JPH2: variants seen among roughly 807,000 people sequenced by gnomAD.
The protein encoded by JPH2 is junctophilin-2.
In JPH2, 38 loss-of-function variants were observed where a neutral mutation model predicts 55.9. That is an observed-to-expected ratio of 0.68 (90% CI 0.52 to 0.89). JPH2 has a LOEUF of 0.89. JPH2 is among the 40% of genes least tolerant of loss of function. The probability of loss-of-function intolerance (pLI) is 0.00; values close to 1 mark genes in which losing one functional copy is unlikely to be tolerated. For missense variants in JPH2, 964 were observed against 1,037.6 expected, an observed-to-expected ratio of 0.93 and a Z score of 0.97; for synonymous variants, 480 against 472.4, an observed-to-expected ratio of 1.02 and a Z score of -0.21.
intron 2 of JPH2, among the ~76,000 whole-genome samples, chr20:44,120,180 C>T (rs2072225510): frequency 6.6e-6 from 1 of 152,140 alleles, no homozygotes; most frequent in Non-Finnish European, 1.5e-5. Flanking sequence ...GGAATCTAAC[C>T]TACACCGTCC....
chr20:44,162,745 CATATATAT>C lies in JPH2; in HGVS notation c.380-2346_380-2339del, dbSNP rs1157323951. Among the ~76,000 whole-genome samples, 219 of 52,444 alleles carry C rather than the reference CATATATAT, an allele frequency of 4.2e-3. 2 individuals are homozygous for C. In the East Asian group the frequency reaches 0.051, roughly 12 times the overall value. 34.4% of individuals were successfully genotyped at this position (52,444 alleles called of 152,430 possible). ...GAGTTAATACTCCTTAATAAACTTCCATATATATATATATATATATATATATATATATA... is the reference window on the plus strand; with the variant it reads ...GAGTTAATACTCCTTAATAAACTTCCATATATATATATATATATATATATA... On this transcript the variant is annotated intron_variant, in intron 1 of 5. Coordinates refer to ENST00000372980, the MANE Select transcript of JPH2 (RefSeq NM_020433.5).
intron 5 of JPH2, 123 bp downstream of exon 5, chr20:44,114,659 G>C: frequency 1.4e-6 from 1 of 699,972 alleles, no homozygotes; most frequent in East Asian, 2.8e-5. Context: ...AGGTGGGTGG[G>C]CCTCAATTAG....
At chr20:44,183,069 A>T (rs2072799600) in intron 1 of JPH2, among the ~76,000 whole-genome samples, 1 of 152,158 alleles carries the variant, frequency 6.6e-6, no homozygotes. Flanking sequence ...ACGTGCACAC[A>T]CAGACACACA....
intron 1 of JPH2, among the ~76,000 whole-genome samples, chr20:44,174,255 G>A (rs1294819997): frequency 6.6e-6 from 1 of 152,174 alleles, no homozygotes; most frequent in East Asian, 1.9e-4. Flanking sequence ...AGCTGGGACT[G>A]AAGAACAGGT....
intron 1 of JPH2, among the ~76,000 whole-genome samples, chr20:44,178,468 T>C (rs946843348): frequency 6.6e-6 from 1 of 152,220 alleles, no homozygotes; most frequent in Non-Finnish European, 1.5e-5. Context: ...ATATATACCA[T>C]GTTCACGGGT....
rs779167207 is a variant in JPH2 at position 44,160,427 on chromosome 20, G to A, written c.380-20C>T. On this transcript the variant is annotated intron_variant, in intron 1 of 5. Coordinates refer to ENST00000372980, the MANE Select transcript of JPH2 (RefSeq NM_020433.5). The surrounding 1 kb of genome is among the most constrained non-coding windows in gnomAD (Gnocchi z 4.9). ...ACGTCCCTGCGGGCGAGGAGAGGGC[G>A]CGTCAGTAGGCGGCACGACGGGTCC... 123 of 1,605,004 alleles carry A rather than the reference G, an allele frequency of 7.7e-5. No individual in the cohort carries two copies. The highest frequency in any genetic ancestry group is 1.9e-4 in the Admixed American group (11 of 59,334).
In JPH2 at chr20:44,118,580, C is replaced by T. The variant is rs557878787; in HGVS notation, c.1213G>A (p.Ala405Thr). Residue 405 changes from alanine (A) to threonine (T), a missense_variant, in exon 3 of 6, where the codon GCC becomes ACC. Transcript: ENST00000372980. ...KAKAEAAEQA[A>T]LAANQESNIA... ...TTGGACTCCTGGTTGGCAGCCAGGG[C>T]GGCCTGTTCCGCTGCCTCAGCTTTG... The T allele has an allele frequency of 3.5e-5, 56 of 1,612,438 alleles. 1 individual carries two copies. The highest frequency in any genetic ancestry group is 2.9e-4 in the South Asian group (26 of 91,088).
chr20:44,127,517 G>T (rs1049868108), intron 2 of JPH2, among the ~76,000 whole-genome samples: 5 of 145,098 alleles, frequency 3.4e-5, no homozygotes, highest in Non-Finnish European at 7.5e-5. Flanking sequence ...ACGGAGTCTC[G>T]CTCTGTCGCC....
intron 1 of JPH2, among the ~76,000 whole-genome samples, chr20:44,186,056 A>G (rs749241734): frequency 5.9e-5 from 9 of 152,168 alleles, no homozygotes; most frequent in Non-Finnish European, 1.3e-4. Flanking sequence ...TAGTAGTTAT[A>G]TTTTATTGTG....
At chr20:44,131,457 C>T (rs992376506) in intron 2 of JPH2, among the ~76,000 whole-genome samples, 10 of 152,100 alleles carry the variant, frequency 6.6e-5, no homozygotes, top group Admixed American at 5.9e-4. Context: ...AGACAACAAA[C>T]GTGTGTTGTT....
At chr20:44,177,245 C>A (rs2072741767) in intron 1 of JPH2, 1 of 985,706 alleles carries the variant, frequency 1.0e-6, no homozygotes. Context: ...AGGAAGCAAC[C>A]CTGTCCCCCT....
intron 1 of JPH2, among the ~76,000 whole-genome samples, chr20:44,164,690 A>G (rs1448740418): frequency 6.6e-6 from 1 of 151,440 alleles, no homozygotes; most frequent in African/African-American, 2.4e-5. Flanking sequence ...AAACAAACAA[A>G]CAAACAAACA....
intron 1 of JPH2, chr20:44,177,798 C>T (rs780089287): frequency 5.6e-5 from 86 of 1,549,464 alleles, no homozygotes; most frequent in African/African-American, 4.6e-4. Context: ...AATATCCTCC[C>T]GAAGACAGTG....
chr20:44,186,279 A>G (rs770613102), intron 1 of JPH2, 48 bp downstream of exon 1: 20 of 1,590,424 alleles, frequency 1.3e-5, no homozygotes, highest in Admixed American at 1.7e-5. Context: ...AGGGTTTCTC[A>G]CCCTCCCTGG....
At chr20:44,134,904 ATATATATAAAATATATATATTT>A (rs1265395438) in intron 2 of JPH2, among the ~76,000 whole-genome samples, 7 of 88,172 alleles carry the variant, frequency 7.9e-5, no homozygotes, top group African/African-American at 3.1e-4. Flanking sequence ...ATATTTATAT[ATATATATAAAATATATATATTT>A]ATATATATAT....
At chr20:44,117,831 A>G (rs117155591) in intron 3 of JPH2, among the ~76,000 whole-genome samples, 366 of 152,296 alleles carry the variant, frequency 2.4e-3, no homozygotes, top group Admixed American at 4.3e-3. Context: ...TGGAACCATA[A>G]TCATGAAACA....
chr20:44,134,914 AAT>A (rs1349122057), intron 2 of JPH2, among the ~76,000 whole-genome samples: 1,258 of 52,702 alleles, frequency 0.024, 37 homozygotes, highest in African/African-American at 0.079. Context: ...ATATATATAA[AAT>A]ATATATATTT....
chr20:44,115,406 G>A (rs1342111552), intron 4 of JPH2, among the ~76,000 whole-genome samples: 2 of 152,156 alleles, frequency 1.3e-5, no homozygotes, highest in African/African-American at 4.8e-5. Flanking sequence ...CCCTGCTCAT[G>A]AGAACTGTCT....
chr20:44,185,073 A>ATT (rs2072821206), intron 1 of JPH2, among the ~76,000 whole-genome samples: 5 of 152,182 alleles, frequency 3.3e-5, no homozygotes, highest in Non-Finnish European at 5.9e-5. Flanking sequence ...ACGGAGTCCA[A>ATT]GAATTGCTTG....
Sources: allele counts gnomAD v4.1 joint callset (sites outside exome capture counted in the v4.1 genomes callset), GRCh38; gene constraint gnomAD v4.1.1; non-coding constraint Gnocchi (gnomAD v3.1); transcripts MANE v1.5; gene names NCBI Gene and HGNC (gene_info 2026-07-23, HGNC 2026-07-21).